Variants in ASMTL observed in about 807,000 individuals in gnomAD.
ASMTL encodes the protein acetylserotonin O-methyltransferase like, also known as probable bifunctional dTTP/UTP pyrophosphatase/methyltransferase protein.
A neutral mutation model predicts 60.3 loss-of-function variants in ASMTL; 57 were observed. The ratio of observed to expected loss-of-function variants is 0.95; its 90% confidence interval spans 0.76 to 1.18. The LOEUF is 1.18. Ranked by LOEUF, ASMTL falls within the 50% of genes most tolerant of loss-of-function variation. The pLI, the probability that ASMTL is intolerant of heterozygous loss-of-function variation, is 0.00. For synonymous variants in ASMTL, 419 were observed against 373.0 expected (o/e 1.12, Z -1.42); for missense variants, 981 against 852.6 (o/e 1.15, Z -1.88).
rs373877716 is a variant in ASMTL, at chrX:1,425,633, G to A, written c.952C>T (p.Pro318Ser). ...KVFDLLKDEAPQKAADIASKV... is the reference protein window; with the variant it reads ...KVFDLLKDEASQKAADIASKV... ...CTGGCAATATCCGCAGCCTTCTGGG[G>A]TGCTTCATCTTTTAACAAATCGAAC... The change falls in exon 8 of 13, where the codon CCC (proline) becomes TCC (serine). Residue 318 changes from proline to serine, a missense_variant. Transcript: ENST00000381317. 1.2e-6 allele frequency: 2 copies of A among 1,613,622 alleles called. No homozygotes were observed. The highest frequency in any genetic ancestry group is 2.7e-5 in the African/African-American group (2 of 74,934).
At position 1,452,807 on chromosome X, in the gene ASMTL, G is replaced by T. The variant is rs1411878401; in HGVS notation, c.34C>A (p.His12Asn). 6.3e-7 allele frequency: 1 copy of T among 1,596,294 alleles called. No individual in the cohort carries two copies. Among genetic ancestry groups the T allele is most frequent in the East Asian group, 2.2e-5 (1 of 44,652 alleles). ...VLCPVIGKLL[H>N]KRVVLASASP... ...GCGCTGGCCAGCACCACGCGCTTGT[G>T]CAGCAGCTTCCCAATCACCGGGCAC... Residue 12 changes from histidine (H) to asparagine (N), a missense_variant, in exon 1 of 13, where the codon CAC becomes AAC. Physicochemically the swap from His to Asn is moderately conservative, Grantham distance 68 (BLOSUM62 1). Transcript: ENST00000381317.
chrX:1,429,284 G>A (rs1315357353), intron 6 of ASMTL, among the ~76,000 whole-genome samples: 2 of 151,342 alleles, frequency 1.3e-5, no homozygotes, highest in Non-Finnish European at 2.9e-5. Flanking sequence ...GTACATTCTT[G>A]GTTCTCTGCT....
Position 1,425,591 on chromosome X carries a change from C to A in ASMTL, c.994G>T (p.Ala332Ser). 1 of 1,613,786 alleles carries A rather than the reference C, an allele frequency of 6.2e-7. No homozygotes were observed. The stretch of plus-strand genomic sequence containing the variant: ...TCCAGAAGCCTCTCCATTCCACACG[C>A]AGAGGCGTCCACTTTGCTGGCAATA... ...ADIASKVDAS[A>S]CGMERLLDIC... is the part of the protein sequence containing the mutation. Residue 332 changes from alanine (A) to serine (S), a missense_variant, in exon 8 of 13, where the codon GCG becomes TCG. Transcript: ENST00000381317.
At chrX:1,407,076 GAGATGGATGGGTGAACTGATGGTA>G (rs2089886392) in intron 12 of ASMTL, among the ~76,000 whole-genome samples, 1 of 148,524 alleles carries the variant, frequency 6.7e-6, no homozygotes, top group African/African-American at 2.5e-5. Flanking sequence ...ATGCATGGAT[GAGATGGATGGGTGAACTGATGGTA>G]GATGATGGGT....
intron 2 of ASMTL, among the ~76,000 whole-genome samples, chrX:1,439,845 A>G (rs1386280658): frequency 6.6e-6 from 1 of 151,300 alleles, no homozygotes; most frequent in East Asian, 1.9e-4. Context: ...CCAAAAAAAA[A>G]AAGAAAAAAA....
At chrX:1,433,437 G>T (rs1416957736) in intron 5 of ASMTL, among the ~76,000 whole-genome samples, 2 of 150,608 alleles carry the variant, frequency 1.3e-5, no homozygotes, top group African/African-American at 4.9e-5. Flanking sequence ...AGGCCGAGGC[G>T]GGCGGATCAC....
At chrX:1,432,108 G>T in intron 6 of ASMTL, 161 bp downstream of exon 6, 2 of 632,784 alleles carry the variant, frequency 3.2e-6, no homozygotes, top group Non-Finnish European at 5.6e-6. Context: ...CAGTGTGGTC[G>T]TGAAGGGTTT....
At chrX:1,431,167 ATATAATTGTT>A (rs1309452602) in intron 6 of ASMTL, among the ~76,000 whole-genome samples, 2 of 124,006 alleles carry the variant, frequency 1.6e-5, no homozygotes, top group Non-Finnish European at 3.1e-5. Flanking sequence ...ATTTATATTT[ATATAATTGTT>A]TATAATTATA....
rs1569530516 is a variant in ASMTL, at chrX:1,405,209, GATGAATGGATGGATAGA to G, written c.1646-1737_1646-1721del. Among the ~76,000 whole-genome samples the G allele has an allele frequency of 1.4e-3, 172 of 123,758 alleles. 1 individual carries two copies. Among genetic ancestry groups the G allele is most frequent in the African/African-American group, 4.7e-3 (163 of 34,404 alleles). The allele number at this position is 123,758 out of a possible 152,430, so 81.2% of individuals were successfully genotyped here. On this transcript the variant is annotated intron_variant, in intron 12 of 12. Transcript: ENST00000381317. ...ATGGTAGATGATGGGTACGTAGATA[GATGAATGGATGGATAGA>G]TGGATGGATGGGTGAACAGATGGTA... is the stretch of plus-strand genomic sequence containing the variant.
intron 7 of ASMTL, among the ~76,000 whole-genome samples, 196 bp downstream of exon 7, chrX:1,427,538 G>A (rs1178637892): frequency 6.6e-6 from 1 of 152,034 alleles, no homozygotes; most frequent in East Asian, 1.9e-4. Flanking sequence ...CACAAGCCCA[G>A]GGATGCCTGG....
chrX:1,413,183 C>T (rs767841891), intron 11 of ASMTL: 23 of 295,860 alleles, frequency 7.8e-5, no homozygotes, highest in South Asian at 1.8e-4. Context: ...GGCAACACGG[C>T]GAAACCCCAT....
intron 1 of ASMTL, among the ~76,000 whole-genome samples, chrX:1,451,639 TA>T (rs1465530767): frequency 1.7e-4 from 24 of 140,396 alleles, no homozygotes; most frequent in South Asian, 1.2e-3. Flanking sequence ...CCCCCATCCC[TA>T]GGGGGGTCCC....
chrX:1,414,509 A>G (rs2090162318), intron 11 of ASMTL, among the ~76,000 whole-genome samples: 2 of 152,058 alleles, frequency 1.3e-5, no homozygotes, highest in Admixed American at 1.3e-4. Flanking sequence ...GGAGTTCGAG[A>G]CCAGCCTGGC....
chrX:1,444,585 A>G (rs2091195031), intron 1 of ASMTL, among the ~76,000 whole-genome samples: 1 of 152,162 alleles, frequency 6.6e-6, no homozygotes, highest in Non-Finnish European at 1.5e-5. Context: ...TTACGGACAG[A>G]GGCCCTTTTG....
intron 11 of ASMTL, 26 bp from the exon 12 acceptor site, chrX:1,412,880 G>A (rs763011240): frequency 7.6e-5 from 122 of 1,613,248 alleles, no homozygotes; most frequent in Admixed American, 3.3e-4. Flanking sequence ...AACGAGATAC[G>A]TCCGTCAGGT....
chrX:1,421,877 C>A, intron 8 of ASMTL, 35 bp from the exon 9 acceptor site: 4 of 1,605,866 alleles, frequency 2.5e-6, no homozygotes, highest in Non-Finnish European at 3.4e-6. Context: ...GACCTCCTAA[C>A]GAGAAAACCC....
chrX:1,421,682 C>A lies in ASMTL; in HGVS notation c.1221G>T (p.Gly407=). Residue 407 remains glycine, a synonymous_variant, in exon 9 of 13, where the codon GGG becomes GGT. Transcript: ENST00000381317. The part of the protein sequence containing the change: ...EGTNQHHRAL[G]KKAEDLFQDA... ...CCTGGAACAGATCTTCCGCCTTCTT[C>A]CCCAACGCCCTGTGGTGCTGGTTTG... 1 of 1,613,920 alleles carries A rather than the reference C, an allele frequency of 6.2e-7. No homozygotes were observed. Among genetic ancestry groups the A allele is most frequent in the Non-Finnish European group, 8.5e-7 (1 of 1,179,842 alleles).
chrX:1,411,459 C>G (rs1219816259), intron 12 of ASMTL, among the ~76,000 whole-genome samples: 1 of 152,196 alleles, frequency 6.6e-6, no homozygotes, highest in Non-Finnish European at 1.5e-5. Flanking sequence ...CAATATGCAG[C>G]CCTGGCCCGA....
chrX:1,435,100 GGTGACCAC>G lies in ASMTL; in HGVS notation c.339-25_339-18del. On this transcript the variant is annotated intron_variant, in intron 4 of 12. Coordinates refer to ENST00000381317, the MANE Select transcript of ASMTL (RefSeq NM_004192.4). ...CCACTCAACCTGTAAGACAACAACG[GGTGACCAC>G]GTGACCATGCTGTGACCCGTGGGAG... 1 of 1,613,878 alleles carries G rather than the reference GGTGACCAC, an allele frequency of 6.2e-7. No individual in the cohort carries two copies. The highest frequency in any genetic ancestry group is 1.3e-5 in the African/African-American group (1 of 75,040).
Sources: gnomAD v4.1 joint callset for allele counts (sites outside exome capture counted in the v4.1 genomes callset) on GRCh38, gnomAD v4.1.1 for gene constraint, MANE v1.5 for transcripts, NCBI Gene and HGNC (gene_info 2026-07-23, HGNC 2026-07-21) for gene names.